PDLIM2: variants seen among roughly 807,000 people sequenced by gnomAD.
The protein encoded by PDLIM2 is PDZ and LIM domain 2.
In PDLIM2, 51 loss-of-function variants were observed where a neutral mutation model predicts 54.1. The observed-to-expected ratio is 0.94, with a 90% CI of 0.75 to 1.19. The LOEUF is 1.19. PDLIM2 is among the 50% of genes most tolerant of loss of function. PDLIM2 has a pLI of 0.00. For missense variants in PDLIM2, 912 were observed against 874.0 expected, an observed-to-expected ratio of 1.04 and a Z score of -0.55; for synonymous variants, 398 against 385.6, an observed-to-expected ratio of 1.03 and a Z score of -0.38.
chr8:22,591,753 C>G, intron 9 of PDLIM2, 85 bp downstream of exon 8: 1 of 1,304,886 alleles, frequency 7.7e-7, no homozygotes, highest in Non-Finnish European at 1.1e-6. Flanking sequence ...CAGGAAGGGC[C>G]GGGCCCATCA....
intron 2 of PDLIM2, chr8:22,581,170 T>G: frequency 1.5e-6 from 1 of 659,380 alleles, no homozygotes; most frequent in Non-Finnish European, 2.7e-6. Flanking sequence ...GGGAGGCCCA[T>G]TAGAATGCCA....
intron 2 of PDLIM2, chr8:22,580,962 G>T: frequency 1.5e-6 from 1 of 670,726 alleles, no homozygotes; most frequent in Non-Finnish European, 2.8e-6. Flanking sequence ...ACACTTGCAG[G>T]CAGCCATTTG....
intron 6 of PDLIM2, among the ~76,000 whole-genome samples, chr8:22,587,525 C>T (rs56036787): frequency 0.07 from 10,694 of 152,260 alleles, 531 homozygotes; most frequent in Non-Finnish European, 0.11. Flanking sequence ...GCCCCACCCC[C>T]AGGAACATCC....
chr8:22,589,177 T>C, intron 6 of PDLIM2, 121 bp from the exon 6 acceptor site: 2 of 970,874 alleles, frequency 2.1e-6, no homozygotes, highest in Non-Finnish European at 3.1e-6. Context: ...AGGGGTCCGC[T>C]GGTCGGCGAG....
chr8:22,592,169 C>T (rs1800572809), intron 9 of PDLIM2: 1 of 148,584 alleles, frequency 6.7e-6, no homozygotes, highest in African/African-American at 2.5e-5. Flanking sequence ...GCAAGCTCTG[C>T]CTCCCAGGTT....
rs781357871 is a variant in PDLIM2 at position 22,580,577 on chromosome 8, T to C, written c.749-26T>C. On this transcript the variant is annotated intron_variant, in intron 1 of 9. Coordinates refer to ENST00000308354, the Ensembl canonical transcript of PDLIM2. ...CCAGAGCCGGCTAGGGGCATGGACT[T>C]CACCTCCTGGTCCTCTCTTCCTCAG... 5.6e-6 allele frequency: 9 copies of C among 1,613,626 alleles called. No homozygotes were observed. The East Asian group carries it at 1.8e-4, about 32-fold the overall frequency.
At chr8:22,585,067 C>T (rs750544392) in exon 5 of PDLIM2, 1 of 1,614,084 alleles carries the variant, frequency 6.2e-7, no homozygotes, top group Non-Finnish European at 8.5e-7. Context: ...GGTCCTCCTA[C>T]TCCAGCCCAA....
At chr8:22,594,136 G>C in exon 10 of PDLIM2, 1 of 1,424,394 alleles carries the variant, frequency 7.0e-7, no homozygotes, top group Non-Finnish European at 9.1e-7. Context: ...CATTGCACTA[G>C]TCTGAGGTGG....
intron 7 of PDLIM2, 47 bp downstream of exon 6, chr8:22,589,421 GA>G: frequency 6.5e-7 from 1 of 1,531,754 alleles, no homozygotes. Flanking sequence ...GGAAGGCTGG[GA>G]GGGGCAGGAG....
At chr8:22,578,920 G>A (rs1018963835) in exon 1 of PDLIM2, 2 of 1,238,168 alleles carry the variant, frequency 1.6e-6, no homozygotes, top group African/African-American at 1.6e-5. Context: ...GCGCTCCGGG[G>A]AGGATGCGGG....
At chr8:22,594,807 T>C, downstream of PDLIM2, 1 of 1,208,006 alleles carries the variant, frequency 8.3e-7, no homozygotes, top group Non-Finnish European at 1.1e-6. Context: ...GCTCAGGCTT[T>C]AGGCCCAGGT....
In PDLIM2 at chr8:22,580,222, C is replaced by A. The variant is rs78257944; in HGVS notation, c.749-381C>A. ...GGGTTTTGGGGACAGGAAGCAAGCG[C>A]TAGTGGGACTGAGCCCTGATGGTGG... On this transcript the variant is annotated intron_variant, in intron 1 of 9. Transcript: ENST00000308354. The A allele has an allele frequency of 2.0e-4, 68 of 332,210 alleles. No individual in the cohort carries two copies. In the East Asian group the frequency reaches 5.2e-3, roughly 26 times the overall value. 20.6% of individuals were successfully genotyped at this position (332,210 alleles called of 1,614,324 possible).
rs530039600 is a variant in PDLIM2 at position 22,583,854 on chromosome 8, GAAAAAAAAAAAAAAA to G, written c.996-951_996-937del. Among the ~76,000 whole-genome samples, 60 of 79,112 alleles carry G rather than the reference GAAAAAAAAAAAAAAA, an allele frequency of 7.6e-4. 1 individual carries two copies. Among genetic ancestry groups the G allele is most frequent in the East Asian group, 2.1e-3 (4 of 1,892 alleles). The allele number at this position is 79,112 out of a possible 152,430, so 51.9% of individuals were successfully genotyped here. A position where few individuals can be genotyped will look rare whatever the true frequency, so the allele number is the denominator to read the frequency against. ...TCAGTGACAAAGTCCAGGCAAAATA[GAAAAAAAAAAAAAAA>G]AAAAAAAAAAAAAAAGGGCAGGATA... is the stretch of plus-strand genomic sequence containing the variant. On this transcript the variant is annotated intron_variant, in intron 3 of 9. Coordinates refer to ENST00000308354, the Ensembl canonical transcript of PDLIM2.
chr8:22,594,263 C>T, exon 10 of PDLIM2: 2 of 1,394,198 alleles, frequency 1.4e-6, no homozygotes, highest in Non-Finnish European at 1.9e-6. Flanking sequence ...TTTTGACATA[C>T]TAGCTCTATA....
chr8:22,595,351 GC>G (rs1397370198), downstream of PDLIM2: 1 of 152,254 alleles, frequency 6.6e-6, no homozygotes, highest in Non-Finnish European at 1.5e-5. Flanking sequence ...GACTCCATGA[GC>G]CCCAGGCGCT....
chr8:22,578,874 G>A (rs1408099783), exon 1 of PDLIM2: 1 of 1,235,432 alleles, frequency 8.1e-7, no homozygotes. Context: ...TCCCTGGACC[G>A]GCTCTGCTGT....
At chr8:22,593,469 C>A in intron 9 of PDLIM2, 2 of 428,908 alleles carry the variant, frequency 4.7e-6, no homozygotes, top group Admixed American at 4.0e-5. Flanking sequence ...CCCAGCTACT[C>A]AGGAGGCTGG....
exon 10 of PDLIM2, chr8:22,593,837 G>A (rs775804872): frequency 6.3e-7 from 1 of 1,586,712 alleles, no homozygotes. Flanking sequence ...TTCTGGGTGG[G>A]TGACGAGCTG....
intron 6 of PDLIM2, chr8:22,588,114 C>T (rs915696317): frequency 1.3e-5 from 2 of 152,296 alleles, no homozygotes; most frequent in Admixed American, 6.5e-5. Context: ...TGCCCTGGAG[C>T]CCAGGTGTGG....
Sources: gnomAD v4.1 joint callset for allele counts (sites outside exome capture counted in the v4.1 genomes callset) on GRCh38, gnomAD v4.1.1 for gene constraint, MANE v1.5 for transcripts, NCBI Gene and HGNC (gene_info 2026-07-23, HGNC 2026-07-21) for gene names.